BRINP1: variants seen among roughly 807,000 people sequenced by gnomAD.
BRINP1 encodes BMP/retinoic acid inducible neural specific 1, also known as BMP/retinoic acid-inducible neural-specific protein 1.
Under a neutral mutation model 72.9 loss-of-function variants are expected in BRINP1, and 17 were observed. The ratio of observed to expected loss-of-function variants is 0.23; its 90% confidence interval spans 0.16 to 0.35. The LOEUF (loss-of-function observed/expected upper bound fraction) is 0.35. Among genes scored for constraint, BRINP1 ranks in the 10% least tolerant of loss-of-function variants. The probability of loss-of-function intolerance (pLI) is 1.00; values close to 1 mark genes in which losing one functional copy is unlikely to be tolerated. For synonymous variants in BRINP1, 418 were observed against 378.5 expected, an observed-to-expected ratio of 1.10 and a Z score of -1.21; for missense variants, 850 against 1,001.6, an observed-to-expected ratio of 0.85 and a Z score of 2.04.
chr9:119,168,429 G>GTACTT (rs1829347379), intron 7 of BRINP1, among the ~76,000 whole-genome samples: 1 of 152,108 alleles, frequency 6.6e-6, no homozygotes, highest in South Asian at 2.1e-4. Context: ...GCATGACATC[G>GTACTT]TACTTTACCT....
chr9:119,294,630 C>A (rs61435364), intron 2 of BRINP1, among the ~76,000 whole-genome samples: 1 of 152,100 alleles, frequency 6.6e-6, no homozygotes, highest in East Asian at 1.9e-4. Flanking sequence ...CTTTGGAAGG[C>A]TGAGATGGGC....
chr9:119,331,840 T>C (rs1409181915), intron 1 of BRINP1, among the ~76,000 whole-genome samples: 1 of 152,226 alleles, frequency 6.6e-6, no homozygotes, highest in Non-Finnish European at 1.5e-5. Context: ...GCTTAATAAA[T>C]GTTCAACCTC....
At chr9:119,343,336 C>T (rs1335725775) in intron 1 of BRINP1, among the ~76,000 whole-genome samples, 3 of 152,150 alleles carry the variant, frequency 2.0e-5, no homozygotes, top group South Asian at 2.1e-4. Flanking sequence ...TAAGAGAAAG[C>T]GGGTTATATG....
At position 119,208,771 on chromosome 9, in the gene BRINP1, C is replaced by T. The variant is rs756660019; in HGVS notation, c.1093G>A (p.Gly365Ser). 2.9e-5 allele frequency: 47 copies of T among 1,613,780 alleles called. No individual in the cohort carries two copies. The highest frequency in any genetic ancestry group is 1.5e-4 in the African/African-American group (11 of 74,906). ...KIQRTARKLF[G>S]LSVRCRHNPN... Reference sequence around the variant, plus strand: ...TTGTGGCGACAGCGTACACTGAGGCCGAAAAGCTTGCGGGCAGTGCGTTGG... The same window carrying T: ...TTGTGGCGACAGCGTACACTGAGGCTGAAAAGCTTGCGGGCAGTGCGTTGG... The change falls in exon 7 of 8, where the codon GGC becomes AGC. Residue 365 changes from glycine (G) to serine (S), a missense_variant. Physicochemically the swap from Gly to Ser is moderately conservative, Grantham distance 56. Coordinates refer to ENST00000265922, the MANE Select transcript of BRINP1 (RefSeq NM_014618.3).
At position 119,167,990 on chromosome 9, in the gene BRINP1, G is replaced by C; in HGVS notation, c.1380C>G (p.Arg460=). The C allele has an allele frequency of 6.2e-7, 1 of 1,614,220 alleles. No homozygotes were observed. Among genetic ancestry groups the C allele is most frequent in the African/African-American group, 1.3e-5 (1 of 75,066 alleles). ...CCGAGTCCACGTTCTGTGGTTCACA[G>C]CGGCCTCGATACAGCTTGTAGCCCT... ...CNKGYKLYRG[R]CEPQNVDSER... Residue 460 remains arginine, a synonymous_variant, in exon 8 of 8, where the codon CGC becomes CGG. Transcript: ENST00000265922. The surrounding 1 kb of genome is among the most constrained non-coding windows in gnomAD (Gnocchi z 4.3).
At position 119,167,407 on chromosome 9, in the gene BRINP1, C is replaced by T. The variant is rs756738437; in HGVS notation, c.1963G>A (p.Val655Met). 2.8e-5 allele frequency: 45 copies of T among 1,613,884 alleles called. No homozygotes were observed. The highest frequency in any genetic ancestry group is 2.2e-4 in the East Asian group (10 of 44,872). ...KRQFYIKISD[V>M]QVFGYSLRFN... Reference sequence around the variant, plus strand: ...CTCAGGCTATACCCAAACACCTGCACGTCTGAGATCTTGATGTAGAACTGC... The same window carrying T: ...CTCAGGCTATACCCAAACACCTGCATGTCTGAGATCTTGATGTAGAACTGC... The change falls in exon 8 of 8, where the codon GTG (valine) becomes ATG (methionine). Residue 655 changes from valine to methionine, a missense_variant. Coordinates refer to ENST00000265922, the MANE Select transcript of BRINP1 (RefSeq NM_014618.3). This position sits in a 1 kb window ranked among gnomAD's most constrained non-coding sequence, Gnocchi z 4.3.
intron 7 of BRINP1, among the ~76,000 whole-genome samples, chr9:119,179,966 C>A (rs549663622): frequency 6.6e-6 from 1 of 152,320 alleles, no homozygotes; most frequent in African/African-American, 2.4e-5. Flanking sequence ...GTCTCCGTCA[C>A]CCAGGGCTTC....
chr9:119,240,540 C>A (rs753009811), intron 4 of BRINP1, among the ~76,000 whole-genome samples: 1 of 152,120 alleles, frequency 6.6e-6, no homozygotes, highest in Middle Eastern at 3.2e-3. Context: ...TCCCATCCAG[C>A]GAGGAGAGAA....
At chr9:119,236,235 A>G (rs1399169981) in intron 5 of BRINP1, among the ~76,000 whole-genome samples, 1 of 152,216 alleles carries the variant, frequency 6.6e-6, no homozygotes, top group Admixed American at 6.5e-5. Flanking sequence ...CACGGATCCA[A>G]TCCTCCAGGT....
chr9:119,291,062 G>T (rs997944741), intron 2 of BRINP1, among the ~76,000 whole-genome samples: 1 of 150,644 alleles, frequency 6.6e-6, no homozygotes, highest in Non-Finnish European at 1.5e-5. Context: ...GGCAGAGGTT[G>T]CAGTGAGCCG....
At chr9:119,342,413 CACAG>C (rs1358221227) in intron 1 of BRINP1, among the ~76,000 whole-genome samples, 1 of 152,114 alleles carries the variant, frequency 6.6e-6, no homozygotes, top group Non-Finnish European at 1.5e-5. Flanking sequence ...TCCTTTGTTT[CACAG>C]ACAAAGAAAC....
At chr9:119,169,183 G>A (rs1427277419) in intron 7 of BRINP1, among the ~76,000 whole-genome samples, 1 of 152,218 alleles carries the variant, frequency 6.6e-6, no homozygotes, top group African/African-American at 2.4e-5. Context: ...GAGCGACGCA[G>A]AAGACAGTGA....
chr9:119,202,450 T>C (rs889539641), intron 7 of BRINP1, among the ~76,000 whole-genome samples: 8 of 152,174 alleles, frequency 5.3e-5, no homozygotes, highest in Non-Finnish European at 1.0e-4. Flanking sequence ...ACAGTGACCC[T>C]CTGAGATAGG....
At chr9:119,302,532 A>T (rs1830949130) in intron 2 of BRINP1, among the ~76,000 whole-genome samples, 2 of 152,192 alleles carry the variant, frequency 1.3e-5, no homozygotes, top group African/African-American at 4.8e-5. Flanking sequence ...TGAAACCTTA[A>T]GAACATCTTG....
At chr9:119,294,167 T>C (rs1202618164) in intron 2 of BRINP1, among the ~76,000 whole-genome samples, 1 of 152,130 alleles carries the variant, frequency 6.6e-6, no homozygotes, top group Admixed American at 6.5e-5. Context: ...CCATTTACAA[T>C]AGTAAGAAAA....
At chr9:119,226,251 T>A (rs1239474591) in intron 5 of BRINP1, among the ~76,000 whole-genome samples, 5 of 151,854 alleles carry the variant, frequency 3.3e-5, no homozygotes, top group Middle Eastern at 3.2e-3. Flanking sequence ...CTCCATGGAG[T>A]CAATAAACTA....
intron 5 of BRINP1, among the ~76,000 whole-genome samples, chr9:119,225,919 A>G (rs1288027496): frequency 2.0e-5 from 3 of 152,126 alleles, no homozygotes; most frequent in Non-Finnish European, 4.4e-5. Flanking sequence ...TTCAAAACAA[A>G]TCGATTCGAC....
chr9:119,214,177 G>C, intron 5 of BRINP1, 22 bp from the exon 6 acceptor site: 2 of 1,562,888 alleles, frequency 1.3e-6, no homozygotes, highest in Non-Finnish European at 1.8e-6. Flanking sequence ...TAGCAAGAAG[G>C]GAAAACAGAA....
intron 1 of BRINP1, among the ~76,000 whole-genome samples, chr9:119,337,936 A>G (rs1386703437): frequency 6.6e-6 from 1 of 152,204 alleles, no homozygotes; most frequent in African/African-American, 2.4e-5. Flanking sequence ...CTGGGAACCT[A>G]GGATGCCTGG....
Sources: allele counts gnomAD v4.1 joint callset (sites outside exome capture counted in the v4.1 genomes callset), GRCh38; gene constraint gnomAD v4.1.1; non-coding constraint Gnocchi (gnomAD v3.1); transcripts MANE v1.5; gene names NCBI Gene and HGNC (gene_info 2026-07-23, HGNC 2026-07-21).